The following ANKRD44 variants were observed in gnomAD, a reference collection of about 807,000 sequenced individuals.
ANKRD44 encodes the protein ankyrin repeat domain 44.
Under a neutral mutation model 116.0 loss-of-function variants are expected in ANKRD44, and 35 were observed. That is an observed-to-expected ratio of 0.30 (90% CI 0.23 to 0.40). The LOEUF is 0.40. Among genes scored for constraint, ANKRD44 ranks in the 10% least tolerant of loss-of-function variants. ANKRD44 has a pLI of 1.00. For synonymous variants in ANKRD44, 435 were observed against 461.8 expected, an observed-to-expected ratio of 0.94 and a Z score of 0.74; for missense variants, 1,014 against 1,242.6, an observed-to-expected ratio of 0.82 and a Z score of 2.77.
intron 2 of ANKRD44, chr2:197,147,984 C>A: frequency 2.6e-6 from 1 of 385,098 alleles, no homozygotes; most frequent in Non-Finnish European, 5.3e-6. Context: ...ACCCAGCAGA[C>A]TTCAGTCTGT....
At chr2:197,034,049 C>CCAGAGAGAGAGAGAGAGAGAGAGAGAGA (rs1491563139) in intron 16 of ANKRD44, among the ~76,000 whole-genome samples, 28 of 13,274 alleles carry the variant, frequency 2.1e-3, no homozygotes, top group Non-Finnish European at 3.5e-3. Flanking sequence ...CATATGAGGG[C>CCAGAGAGAGAGAGAGAGAGAGAGAGAGA]TAGAGAGAGA....
chr2:196,997,997 T>C (rs896035411), intron 25 of ANKRD44, among the ~76,000 whole-genome samples: 2 of 152,084 alleles, frequency 1.3e-5, no homozygotes, highest in Admixed American at 1.3e-4. Context: ...ATAACTAAGG[T>C]CCTCACTTTT....
In ANKRD44 at chr2:196,993,611, C is replaced by T; in HGVS notation, c.2895G>A (p.Gly965=). 1 of 1,551,048 alleles carries T rather than the reference C, an allele frequency of 6.4e-7. No homozygotes were observed. The highest frequency in any genetic ancestry group is 8.7e-7 in the Non-Finnish European group (1 of 1,147,080). The part of the protein sequence containing the change: ...KVVVEELLAK[G]ACVLAVDENA... ...TTTCATCTACAGCAAGTACACAGGCCCCTTTGGCCAGCAACTCCTCAACTA... is the reference window on the plus strand; with the variant it reads ...TTTCATCTACAGCAAGTACACAGGCTCCTTTGGCCAGCAACTCCTCAACTA... The change falls in exon 27 of 28, where the codon GGG becomes GGA. Residue 965 remains glycine, a synonymous_variant. Coordinates refer to ENST00000282272, the MANE Select transcript of ANKRD44 (RefSeq NM_001195144.2).
At chr2:197,252,210 T>C (rs573562466) in intron 1 of ANKRD44, among the ~76,000 whole-genome samples, 3 of 152,278 alleles carry the variant, frequency 2.0e-5, no homozygotes, top group Non-Finnish European at 4.4e-5. Context: ...CAGGCATTGG[T>C]ATACAAACAC....
At chr2:197,037,493 T>C (rs189354116) in intron 16 of ANKRD44, among the ~76,000 whole-genome samples, 71 of 152,372 alleles carry the variant, frequency 4.7e-4, no homozygotes, top group Non-Finnish European at 9.7e-4. Flanking sequence ...TAAATGTTTA[T>C]AGAACTGAAT....
intron 1 of ANKRD44, among the ~76,000 whole-genome samples, chr2:197,230,337 T>C (rs1268779797): frequency 6.6e-6 from 1 of 152,076 alleles, no homozygotes; most frequent in East Asian, 1.9e-4. Context: ...TCAGGAATCA[T>C]TTTCTGCTTG....
At chr2:197,263,416 GC>G in intron 1 of ANKRD44, 1 of 589,640 alleles carries the variant, frequency 1.7e-6, no homozygotes, top group Admixed American at 2.6e-5. Flanking sequence ...CATTGATTAT[GC>G]CAGGAACCCT....
chr2:197,239,508 G>A (rs1240890835), intron 1 of ANKRD44, among the ~76,000 whole-genome samples: 1 of 152,212 alleles, frequency 6.6e-6, no homozygotes, highest in African/African-American at 2.4e-5. Flanking sequence ...GGGACTGCAG[G>A]TGTGAGGCAC....
At chr2:197,170,663 T>A (rs2080211060) in intron 2 of ANKRD44, among the ~76,000 whole-genome samples, 2 of 152,196 alleles carry the variant, frequency 1.3e-5, no homozygotes, top group Non-Finnish European at 2.9e-5. Flanking sequence ...AAGATCAGAT[T>A]TTTGTTAAAG....
Position 197,224,498 on chromosome 2 carries a change from G to C in ANKRD44, c.28-37392C>G, listed in dbSNP as rs148416757. On this transcript the variant is annotated intron_variant, in intron 1 of 27. Transcript: ENST00000282272. The stretch of plus-strand genomic sequence containing the variant: ...TCTTCAAAAATCTAAGATTGTCCTT[G>C]TGTATTTTCATAGCAATCTCTCCAT... Among the ~76,000 whole-genome samples, 255 of 152,268 alleles carry C rather than the reference G, an allele frequency of 1.7e-3. 1 individual carries two copies. The highest frequency in any genetic ancestry group is 6.0e-3 in the African/African-American group (248 of 41,556).
At chr2:197,062,552 C>G (rs139402585) in intron 16 of ANKRD44, among the ~76,000 whole-genome samples, 1 of 152,222 alleles carries the variant, frequency 6.6e-6, no homozygotes, top group South Asian at 2.1e-4. Context: ...ACCCGGGAAG[C>G]GCAAGGGGTC....
chr2:196,978,600 A>G (rs1350112928), intron 21 of ANKRD44, among the ~76,000 whole-genome samples: 2 of 152,142 alleles, frequency 1.3e-5, no homozygotes, highest in African/African-American at 4.8e-5. Context: ...TTGCCAGGGG[A>G]TGGGGAGAGA....
At chr2:197,031,598 C>G (rs11890050) in intron 16 of ANKRD44, among the ~76,000 whole-genome samples, 9,856 of 152,252 alleles carry the variant, frequency 0.065, 1,084 homozygotes, top group African/African-American at 0.23. Flanking sequence ...TGTCCACAGA[C>G]TCTCAGATAG....
At chr2:197,127,588 A>G (rs1279882256) in intron 4 of ANKRD44, among the ~76,000 whole-genome samples, 1 of 152,214 alleles carries the variant, frequency 6.6e-6, no homozygotes, top group East Asian at 1.9e-4. Context: ...ACAAGGTAAA[A>G]AAGAAACTAA....
chr2:197,058,760 G>C (rs929821390), intron 16 of ANKRD44, among the ~76,000 whole-genome samples: 17 of 152,282 alleles, frequency 1.1e-4, no homozygotes, highest in African/African-American at 4.1e-4. Flanking sequence ...GTTAATAACA[G>C]TTCTCATCTG....
At chr2:197,095,027 C>T (rs185880217) in intron 10 of ANKRD44, among the ~76,000 whole-genome samples, 120 of 152,360 alleles carry the variant, frequency 7.9e-4, no homozygotes, top group Non-Finnish European at 1.3e-3. Flanking sequence ...AGTCCCTCCA[C>T]CTGAAACTCT....
chr2:197,178,033 C>G (rs1294426208), intron 2 of ANKRD44, among the ~76,000 whole-genome samples: 1 of 152,160 alleles, frequency 6.6e-6, no homozygotes, highest in Non-Finnish European at 1.5e-5. Context: ...CCAATTATTT[C>G]TCTTAGGGTG....
chr2:197,121,250 T>C, intron 8 of ANKRD44, 82 bp downstream of exon 8: 1 of 1,351,048 alleles, frequency 7.4e-7, no homozygotes. Flanking sequence ...CACTAAAACA[T>C]GGCATAATTT....
intron 17 of ANKRD44, chr2:197,015,270 G>T: frequency 2.9e-6 from 1 of 347,668 alleles, no homozygotes; most frequent in Non-Finnish European, 5.5e-6. Context: ...GAAAATATTT[G>T]TTGGTGGTAT....
Sources: allele counts gnomAD v4.1 joint callset (sites outside exome capture counted in the v4.1 genomes callset), GRCh38; gene constraint gnomAD v4.1.1; transcripts MANE v1.5; gene names NCBI Gene and HGNC (gene_info 2026-07-23, HGNC 2026-07-21).